The following GALK2 variants were observed in gnomAD, a reference collection of about 807,000 sequenced individuals.
GALK2 encodes N-acetylgalactosamine kinase.
Under a neutral mutation model 52.4 loss-of-function variants are expected in GALK2, and 36 were observed. The ratio of observed to expected loss-of-function variants is 0.69; its 90% CI spans 0.53 to 0.91. The LOEUF is 0.91. GALK2 is among the 40% of genes least tolerant of loss of function. The probability of loss-of-function intolerance (pLI) is 0.00; values close to 1 mark genes in which losing one functional copy is unlikely to be tolerated. For synonymous variants in GALK2, 176 were observed against 199.1 expected, an observed-to-expected ratio of 0.88 and a Z score of 0.98; for missense variants, 579 against 559.1, an observed-to-expected ratio of 1.04 and a Z score of -0.36.
intron 5 of GALK2, among the ~76,000 whole-genome samples, chr15:49,249,837 G>A (rs1007402379): frequency 5.3e-5 from 8 of 152,120 alleles, no homozygotes; most frequent in East Asian, 1.9e-4. Flanking sequence ...TGGTCCAAGC[G>A]GGCATTAGGT....
chr15:49,252,118 T>C (rs990017909), intron 5 of GALK2, among the ~76,000 whole-genome samples: 1 of 152,040 alleles, frequency 6.6e-6, no homozygotes, highest in African/African-American at 2.4e-5. Context: ...ATACAAAAAA[T>C]TAGCTGGGTA....
chr15:49,255,421 C>T lies in GALK2; in HGVS notation c.504+16054C>T, dbSNP rs960528083. 2.1e-5 allele frequency among the ~76,000 whole-genome samples: 3 copies of T among 141,998 alleles called. 1 individual carries two copies. The highest frequency in any genetic ancestry group is 4.7e-5 in the Non-Finnish European group (3 of 63,370). The allele number at this position is 141,998 out of a possible 152,430, so 93.2% of individuals were successfully genotyped here. A position where few individuals can be genotyped will look rare whatever the true frequency, so the allele number is the denominator to read the frequency against. On this transcript the variant is annotated intron_variant, in intron 5 of 9. Transcript: ENST00000560031. ...TTTACTTTATTTTAGAACAGTTCCC[C>T]AGCATTTTTTTGTCTTTTATGACAC...
upstream of GALK2, chr15:49,169,288 G>A (rs1400663801): frequency 6.6e-6 from 1 of 151,974 alleles, no homozygotes; most frequent in African/African-American, 2.4e-5. Context: ...CTTTGGAATG[G>A]GTTTATTGCT....
At chr15:49,265,649 AC>A (rs1310380174) in intron 5 of GALK2, among the ~76,000 whole-genome samples, 1 of 152,080 alleles carries the variant, frequency 6.6e-6, no homozygotes, top group African/African-American at 2.4e-5. Flanking sequence ...TGCAGAAATC[AC>A]CCGTCTTCTG....
intron 3 of GALK2, among the ~76,000 whole-genome samples, chr15:49,219,590 C>T (rs1448557351): frequency 6.6e-6 from 1 of 152,180 alleles, no homozygotes; most frequent in Admixed American, 6.5e-5. Context: ...GGATGGATCT[C>T]TTGAGCCTGG....
At chr15:49,308,772 A>T (rs966552552) in intron 8 of GALK2, among the ~76,000 whole-genome samples, 2 of 152,196 alleles carry the variant, frequency 1.3e-5, no homozygotes, top group African/African-American at 2.4e-5. Flanking sequence ...TTGGAAGAAT[A>T]AACAGGTGAA....
chr15:49,178,807 C>T (rs933451949), intron 1 of GALK2: 10 of 206,712 alleles, frequency 4.8e-5, no homozygotes, highest in African/African-American at 2.1e-4. Flanking sequence ...TATTTATTTT[C>T]TTATATGAAT....
chr15:49,319,579 C>T, intron 8 of GALK2, 25 bp from the exon 9 acceptor site: 1 of 1,608,592 alleles, frequency 6.2e-7, no homozygotes, highest in South Asian at 1.1e-5. Flanking sequence ...TCCTAACCTC[C>T]TTCCCCATCC....
At chr15:49,258,904 G>A (rs1202300997) in intron 5 of GALK2, among the ~76,000 whole-genome samples, 3 of 149,178 alleles carry the variant, frequency 2.0e-5, no homozygotes, top group African/African-American at 7.4e-5. Flanking sequence ...GGCCAGTGAT[G>A]GTGAGCATTT....
intron 1 of GALK2, chr15:49,195,200 T>C (rs1595603719): frequency 7.2e-6 from 3 of 418,652 alleles, no homozygotes; most frequent in East Asian, 8.1e-5. Flanking sequence ...GCCTCCGGAG[T>C]AGCTGGGATT....
chr15:49,194,800 G>A (rs141530304), intron 1 of GALK2, among the ~76,000 whole-genome samples: 4,044 of 151,110 alleles, frequency 0.027, 124 homozygotes, highest in Non-Finnish European at 0.033. Flanking sequence ...TCTCCATGTC[G>A]GTCAGGCTGG....
At chr15:49,307,392 A>G (rs1295141709) in intron 8 of GALK2, among the ~76,000 whole-genome samples, 1 of 152,208 alleles carries the variant, frequency 6.6e-6, no homozygotes, top group Non-Finnish European at 1.5e-5. Context: ...ATATTCACAA[A>G]TGCCACAATC....
chr15:49,245,428 AAGAT>A lies in GALK2; in HGVS notation c.504+6065_504+6068del, dbSNP rs370214038. 6.3e-3 allele frequency among the ~76,000 whole-genome samples: 964 copies of A among 152,318 alleles called. 14 individuals are homozygous for A. Among genetic ancestry groups the A allele is most frequent in the African/African-American group, 0.022 (907 of 41,564 alleles). The stretch of plus-strand genomic sequence containing the variant: ...TATCACTTTGGCGAAAGTAAAATAA[AAGAT>A]AGAAGAACTGAATAGAATGAAAAAT... On this transcript the variant is annotated intron_variant, in intron 5 of 9. Coordinates refer to ENST00000560031, the MANE Select transcript of GALK2 (RefSeq NM_002044.4).
intron 9 of GALK2, among the ~76,000 whole-genome samples, chr15:49,323,816 A>G (rs2037104790): frequency 6.6e-6 from 1 of 152,228 alleles, no homozygotes; most frequent in Non-Finnish European, 1.5e-5. Context: ...ATCTAAAGAA[A>G]GGAGCAGGGA....
chr15:49,248,544 G>A (rs1374429478), intron 5 of GALK2, among the ~76,000 whole-genome samples: 2 of 152,200 alleles, frequency 1.3e-5, no homozygotes, highest in Non-Finnish European at 2.9e-5. Context: ...AAACCAGGAA[G>A]CTATAGTGTT....
chr15:49,313,832 A>G (rs2036192028), intron 8 of GALK2, among the ~76,000 whole-genome samples: 2 of 151,916 alleles, frequency 1.3e-5, no homozygotes. Flanking sequence ...TGCATGGAGA[A>G]CTTAAAATTA....
chr15:49,358,351 C>T (rs1596490290), intron 3 of GALK2, among the ~76,000 whole-genome samples: 1 of 117,480 alleles, frequency 8.5e-6, no homozygotes, highest in South Asian at 2.9e-4. Flanking sequence ...TTGTCTCAGC[C>T]CAAAATCTCC....
chr15:49,301,550 C>T (rs1433630717), intron 8 of GALK2, among the ~76,000 whole-genome samples: 1 of 151,900 alleles, frequency 6.6e-6, no homozygotes. Context: ...AACTCAAGAA[C>T]ACACATTGGA....
chr15:49,353,549 A>C (rs987668945), intron 3 of GALK2: 1 of 152,164 alleles, frequency 6.6e-6, no homozygotes, highest in Non-Finnish European at 1.5e-5. Flanking sequence ...ATTATCTGAA[A>C]AATCTCATTA....
Sources: allele counts gnomAD v4.1 joint callset (sites outside exome capture counted in the v4.1 genomes callset), GRCh38; gene constraint gnomAD v4.1.1; transcripts MANE v1.5; gene names NCBI Gene and HGNC (gene_info 2026-07-23, HGNC 2026-07-21).